KAZN: variants seen among roughly 807,000 people sequenced by gnomAD.
KAZN encodes kazrin, periplakin interacting protein.
A neutral mutation model predicts 87.4 loss-of-function variants in KAZN; 40 were observed. The ratio of observed to expected loss-of-function variants is 0.46; its 90% CI spans 0.36 to 0.60. The LOEUF is 0.60. Among genes scored for constraint, KAZN ranks in the 20% least tolerant of loss-of-function variants. KAZN has a pLI of 0.00. For missense variants in KAZN, 898 were observed against 1,073.9 expected (o/e 0.84, Z 2.29); for synonymous variants, 466 against 458.3 (o/e 1.02, Z -0.22).
chr1:14,363,891 C>T (rs1055497649), intron 2 of KAZN, among the ~76,000 whole-genome samples: 4 of 151,446 alleles, frequency 2.6e-5, no homozygotes, highest in African/African-American at 7.3e-5. Flanking sequence ...ACACCATAAA[C>T]GGTTGTGTAT....
At chr1:14,050,922 A>G (rs545599531) in intron 1 of KAZN, among the ~76,000 whole-genome samples, 8 of 152,350 alleles carry the variant, frequency 5.3e-5, no homozygotes, top group Admixed American at 5.2e-4. Context: ...AACAAGCATC[A>G]TTTGGTTGAA....
At chr1:14,415,960 C>T (rs981551364) in intron 2 of KAZN, among the ~76,000 whole-genome samples, 1 of 152,144 alleles carries the variant, frequency 6.6e-6, no homozygotes, top group African/African-American at 2.4e-5. Context: ...AGACAAACTC[C>T]AGGGGCTGTA....
rs1182724737 is a variant in KAZN, at chr1:15,092,052, G to GTT, written c.1223-2122_1223-2121dup. On this transcript the variant is annotated intron_variant, in intron 8 of 14. Transcript: ENST00000376030. ...AGGGTCATTTCTAATCAGAGGTTTT[G>GTT]TTTTTTTGTTTTTTTTTTTGATTTT... is the stretch of plus-strand genomic sequence containing the variant. Among the ~76,000 whole-genome samples, 574 of 82,518 alleles carry GTT rather than the reference G, an allele frequency of 7.0e-3. 10 individuals carry two copies. Among genetic ancestry groups the GTT allele is most frequent in the African/African-American group, 0.029 (526 of 18,430 alleles). 54.1% of individuals were successfully genotyped at this position (82,518 alleles called of 152,430 possible).
chr1:14,459,267 G>C (rs1345122113), intron 2 of KAZN, among the ~76,000 whole-genome samples: 2 of 152,056 alleles, frequency 1.3e-5, no homozygotes, highest in African/African-American at 4.8e-5. Context: ...GCGCGTGTGT[G>C]TGTGTGTGTG....
chr1:14,867,724 A>AC (rs1553148134), intron 1 of KAZN, among the ~76,000 whole-genome samples: 19,344 of 106,796 alleles, frequency 0.18, 2,262 homozygotes, highest in East Asian at 0.24. Context: ...CTTTGAAGAC[A>AC]CCCCCCCCCC....
At chr1:14,557,872 T>C (rs2148522700) in intron 2 of KAZN, among the ~76,000 whole-genome samples, 1 of 152,228 alleles carries the variant, frequency 6.6e-6, no homozygotes, top group South Asian at 2.1e-4. Context: ...AATTCAACAG[T>C]TGGTGACTGG....
At chr1:14,816,399 G>A (rs1403857634) in intron 1 of KAZN, among the ~76,000 whole-genome samples, 3 of 152,144 alleles carry the variant, frequency 2.0e-5, no homozygotes, top group Admixed American at 1.3e-4. Flanking sequence ...CCCTCAGGTT[G>A]TGGTCAGAAT....
chr1:13,909,184 T>C (rs1639557346), intron 1 of KAZN, among the ~76,000 whole-genome samples: 1 of 152,212 alleles, frequency 6.6e-6, no homozygotes, highest in African/African-American at 2.4e-5. Flanking sequence ...ATGGGATTGG[T>C]GGACACACCA....
intron 2 of KAZN, among the ~76,000 whole-genome samples, chr1:14,274,672 C>G (rs1652208342): frequency 6.6e-6 from 1 of 152,100 alleles, no homozygotes; most frequent in Admixed American, 6.5e-5. Context: ...GCCATCCACC[C>G]TGGGTTTGAC....
Position 14,856,179 on chromosome 1 carries a change from G to C in KAZN, c.227-104505G>C, listed in dbSNP as rs1249953468. Among the ~76,000 whole-genome samples, 1 of 152,168 alleles carries C rather than the reference G, an allele frequency of 6.6e-6. No homozygotes were observed. ...GGTGGTCAGGGAGGCTGCAGCTCTT[G>C]GGAGGATAATGGGCATAGAAATTGG... is the stretch of plus-strand genomic sequence containing the variant. On this transcript the variant is annotated intron_variant, in intron 1 of 14. Coordinates refer to ENST00000376030, the MANE Select transcript of KAZN (RefSeq NM_201628.3). This position sits in a 1 kb window ranked among gnomAD's most constrained non-coding sequence, Gnocchi z 5.2.
intron 2 of KAZN, among the ~76,000 whole-genome samples, chr1:14,286,389 G>A (rs1653254071): frequency 6.6e-6 from 1 of 152,188 alleles, no homozygotes; most frequent in South Asian, 2.1e-4. Context: ...TACATTCTGA[G>A]TTCCCCAGGG....
rs763556514 is a variant in KAZN, at chr1:15,114,466, C to T, written c.2164-5C>T. On this transcript the variant is annotated splice_polypyrimidine_tract_variant and splice_region_variant and intron_variant, in intron 14 of 14. Coordinates refer to ENST00000376030, the MANE Select transcript of KAZN (RefSeq NM_201628.3). Reference sequence around the variant, plus strand: ...TGTCCTTTGATCATATTCTTCTCTTCTCAGCTGCCCCTGGGGAAGATAGGA... The same window carrying T: ...TGTCCTTTGATCATATTCTTCTCTTTTCAGCTGCCCCTGGGGAAGATAGGA... 3.1e-6 allele frequency: 5 copies of T among 1,606,196 alleles called. No homozygotes were observed. The highest frequency in any genetic ancestry group is 4.3e-6 in the Non-Finnish European group (5 of 1,175,774).
At chr1:14,689,363 G>A (rs113301891) in intron 1 of KAZN, among the ~76,000 whole-genome samples, 10 of 152,190 alleles carry the variant, frequency 6.6e-5, no homozygotes, top group African/African-American at 1.4e-4. Flanking sequence ...AACAAAGGGC[G>A]TGAGGGTCTT....
At chr1:15,092,830 A>G (rs1352282036) in intron 8 of KAZN, among the ~76,000 whole-genome samples, 1 of 151,822 alleles carries the variant, frequency 6.6e-6, no homozygotes, top group Non-Finnish European at 1.5e-5. Flanking sequence ...CTCTCAATTG[A>G]GTCTCTGTAA....
chr1:14,034,275 T>C (rs745399149), intron 1 of KAZN, among the ~76,000 whole-genome samples: 2 of 152,030 alleles, frequency 1.3e-5, no homozygotes, highest in Admixed American at 6.5e-5. Context: ...AAGCTGGTGT[T>C]TCCTTTTAGC....
intron 8 of KAZN, chr1:15,067,003 T>A: frequency 2.0e-6 from 2 of 985,566 alleles, no homozygotes; most frequent in Non-Finnish European, 2.4e-6. Flanking sequence ...GAGGTTGAGT[T>A]CAGGGCAAGA....
intron 1 of KAZN, among the ~76,000 whole-genome samples, chr1:14,017,524 GAA>G (rs1202953628): frequency 1.3e-5 from 2 of 152,200 alleles, no homozygotes; most frequent in African/African-American, 4.8e-5. Flanking sequence ...CAAGGGGGAT[GAA>G]AAGTGTGACC....
intron 1 of KAZN, among the ~76,000 whole-genome samples, chr1:14,173,904 G>T (rs1005525471): frequency 1.3e-5 from 2 of 152,130 alleles, no homozygotes; most frequent in Admixed American, 1.3e-4. Context: ...CAAAATAAGA[G>T]AGCTGCTTTT....
chr1:14,509,420 T>C (rs1017716113), intron 2 of KAZN, among the ~76,000 whole-genome samples: 7 of 152,186 alleles, frequency 4.6e-5, no homozygotes, highest in Non-Finnish European at 7.3e-5. Context: ...GTGTGGCATG[T>C]CCATGATGGA....
Sources: gnomAD v4.1 joint callset for allele counts (sites outside exome capture counted in the v4.1 genomes callset) on GRCh38, gnomAD v4.1.1 for gene constraint, Gnocchi (gnomAD v3.1) non-coding constraint, MANE v1.5 for transcripts, NCBI Gene and HGNC (gene_info 2026-07-23, HGNC 2026-07-21) for gene names.